SCUBE1: variants seen among roughly 807,000 people sequenced by gnomAD.
SCUBE1 encodes signal peptide, CUB domain and EGF like domain containing 1, also known as signal peptide, CUB and EGF-like domain-containing protein 1.
Under a neutral mutation model 124.4 loss-of-function variants are expected in SCUBE1, and 59 were observed. The ratio of observed to expected loss-of-function variants is 0.47; its 90% CI spans 0.38 to 0.59. The LOEUF (loss-of-function observed/expected upper bound fraction) is 0.59, where lower values mean the gene tolerates loss of function less well. Among genes scored for constraint, SCUBE1 ranks in the 20% least tolerant of loss-of-function variants. The pLI is 0.00. For missense variants in SCUBE1, 1,150 were observed against 1,371.2 expected, an observed-to-expected ratio of 0.84 and a Z score of 2.55; for synonymous variants, 545 against 550.9, an observed-to-expected ratio of 0.99 and a Z score of 0.15.
chr22:43,295,193 T>C (rs570575700), intron 3 of SCUBE1, among the ~76,000 whole-genome samples: 18 of 152,220 alleles, frequency 1.2e-4, no homozygotes, highest in African/African-American at 4.3e-4. Flanking sequence ...CCCTGGCCCC[T>C]CCATGCCCAC....
chr22:43,319,902 G>A (rs755546452), intron 3 of SCUBE1, 35 bp downstream of exon 3: 99 of 1,609,344 alleles, frequency 6.2e-5, no homozygotes, highest in Non-Finnish European at 7.6e-5. Context: ...CAGGCAGGGT[G>A]TGCCCAGAGG....
At chr22:43,248,307 G>A (rs1923299719) in intron 6 of SCUBE1, among the ~76,000 whole-genome samples, 1 of 152,212 alleles carries the variant, frequency 6.6e-6, no homozygotes, top group Non-Finnish European at 1.5e-5. Context: ...CAACGCACAA[G>A]GTGGCCTGGG....
chr22:43,247,691 G>C (rs923003670), intron 6 of SCUBE1, among the ~76,000 whole-genome samples: 7 of 152,248 alleles, frequency 4.6e-5, no homozygotes, highest in African/African-American at 1.4e-4. Flanking sequence ...GGGTGGCTTG[G>C]ATGGGGAGGG....
In SCUBE1 at chr22:43,218,337, G is replaced by C; in HGVS notation, c.1809C>G (p.Tyr603Ter). The change falls in exon 15 of 22, where the codon TAC (tyrosine) becomes TAG (stop). Residue 603 changes from tyrosine to a stop codon, truncating the protein, a stop_gained. Transcript: ENST00000360835. LOFTEE classifies it high-confidence loss of function. Reference sequence around the variant, plus strand: ...CCTTGGCTGGCCTCTGGGCTACCTCGTACTCAGTGCCTGAGACCTGGACAT... The same window carrying C: ...CCTTGGCTGGCCTCTGGGCTACCTCCTACTCAGTGCCTGAGACCTGGACAT... ...QFYVQVSGTEYEVAQRPAKAL... is the reference protein window; with the variant it reads ...QFYVQVSGTE 2 of 1,613,438 alleles carry C rather than the reference G, an allele frequency of 1.2e-6. No homozygotes were observed. Among genetic ancestry groups the C allele is most frequent in the Non-Finnish European group, 1.7e-6 (2 of 1,180,032 alleles).
At chr22:43,216,593 G>A (rs916298469) in intron 15 of SCUBE1, among the ~76,000 whole-genome samples, 7 of 152,064 alleles carry the variant, frequency 4.6e-5, no homozygotes, top group East Asian at 2.0e-4. Flanking sequence ...GCAGAGTTGC[G>A]GTGAGCTGAG....
At chr22:43,214,067 T>A in intron 16 of SCUBE1, 23 bp downstream of exon 16, 14 of 352,502 alleles carry the variant, frequency 4.0e-5, no homozygotes, top group Non-Finnish European at 5.2e-5. Context: ...CACCCCCACC[T>A]CTCCTTCTAG....
rs7364317 is a variant in SCUBE1, at chr22:43,210,598, G to A, written c.2383+324C>T. Among the ~76,000 whole-genome samples the A allele has an allele frequency of 0.076, 11,614 of 152,278 alleles. 816 individuals carry two copies. Among genetic ancestry groups the A allele is most frequent in the African/African-American group, 0.18 (7,369 of 41,550 alleles). ...CTCTAGAGGCCCTGTCAGTGCCCCT[G>A]TAGGCTGTCAGCCCCCCCAGCAGAC... On this transcript the variant is annotated intron_variant, in intron 18 of 21. Transcript: ENST00000360835. This position sits in a 1 kb window ranked among gnomAD's most constrained non-coding sequence, Gnocchi z 4.5.
intron 3 of SCUBE1, among the ~76,000 whole-genome samples, chr22:43,302,917 C>T (rs915247940): frequency 1.3e-5 from 2 of 152,170 alleles, no homozygotes; most frequent in Admixed American, 6.5e-5. Context: ...ATGTGATTAC[C>T]TCCAGGCCGG....
intron 3 of SCUBE1, among the ~76,000 whole-genome samples, chr22:43,301,770 G>A (rs1925780994): frequency 6.6e-6 from 1 of 152,224 alleles, no homozygotes; most frequent in South Asian, 2.1e-4. Context: ...GTATCCCAGG[G>A]TTTTGAACAG....
At chr22:43,219,806 G>A (rs1469126699) in intron 14 of SCUBE1, among the ~76,000 whole-genome samples, 12 of 152,042 alleles carry the variant, frequency 7.9e-5, no homozygotes, top group East Asian at 3.9e-4. Context: ...CCTCCCGTGG[G>A]GGGCAGACCT....
At position 43,212,307 on chromosome 22, in the gene SCUBE1, T is replaced by C. The variant is rs190472216; in HGVS notation, c.2221+118A>G. 6 of 1,166,536 alleles carry C rather than the reference T, an allele frequency of 5.1e-6. No individual in the cohort carries two copies. In the East Asian group the frequency reaches 1.6e-4, roughly 31 times the overall value. 72.3% of individuals were successfully genotyped at this position (1,166,536 alleles called of 1,614,324 possible). A position where few individuals can be genotyped will look rare whatever the true frequency, so the allele number is the denominator to read the frequency against. ...CCCACGCCTGACAGCTCCAGGCTCC[T>C]CCTCTGAGCTGGGAGGTTCGCCACA... On this transcript the variant is annotated intron_variant, in intron 17 of 21. Coordinates refer to ENST00000360835, the MANE Select transcript of SCUBE1 (RefSeq NM_173050.5).
At chr22:43,239,354 G>A (rs1922905430) in intron 6 of SCUBE1, among the ~76,000 whole-genome samples, 1 of 152,280 alleles carries the variant, frequency 6.6e-6, no homozygotes, top group Non-Finnish European at 1.5e-5. Context: ...GTCCAGGCTA[G>A]AGGTTACTTG....
intron 4 of SCUBE1, among the ~76,000 whole-genome samples, chr22:43,272,927 A>G (rs1924348637): frequency 6.6e-6 from 1 of 152,196 alleles, no homozygotes; most frequent in African/African-American, 2.4e-5. Context: ...CTGGTCACGC[A>G]GCTGTCAGTG....
At chr22:43,226,463 C>T (rs1922310225) in intron 10 of SCUBE1, among the ~76,000 whole-genome samples, 1 of 151,992 alleles carries the variant, frequency 6.6e-6, no homozygotes. Flanking sequence ...CGCACAGCCT[C>T]GGGCTGAGGG....
At chr22:43,239,452 C>T (rs998476165) in intron 6 of SCUBE1, among the ~76,000 whole-genome samples, 2 of 152,280 alleles carry the variant, frequency 1.3e-5, no homozygotes, top group Non-Finnish European at 2.9e-5. Context: ...TGAGGGCTCA[C>T]ACACCATCCA....
chr22:43,290,282 T>A (rs190786704), intron 4 of SCUBE1, among the ~76,000 whole-genome samples: 3 of 151,796 alleles, frequency 2.0e-5, no homozygotes, highest in Admixed American at 1.3e-4. Context: ...TCCAAGCACA[T>A]GTGTCCTGGC....
intron 5 of SCUBE1, among the ~76,000 whole-genome samples, chr22:43,261,456 G>GT (rs1327714496): frequency 6.6e-6 from 1 of 152,196 alleles, no homozygotes; most frequent in Non-Finnish European, 1.5e-5. Context: ...AATCACATCT[G>GT]GTACACGTGG....
intron 4 of SCUBE1, among the ~76,000 whole-genome samples, chr22:43,269,468 G>T (rs752861610): frequency 6.6e-6 from 1 of 152,158 alleles, no homozygotes; most frequent in African/African-American, 2.4e-5. Context: ...TTGCCGCCAC[G>T]GTCGGATAAC....
At chr22:43,298,279 C>T (rs904198513) in intron 3 of SCUBE1, among the ~76,000 whole-genome samples, 1 of 152,228 alleles carries the variant, frequency 6.6e-6, no homozygotes, top group African/African-American at 2.4e-5. Context: ...GGAGGTATGC[C>T]TGGGGTCTCC....
Sources: gnomAD v4.1 joint callset for allele counts (sites outside exome capture counted in the v4.1 genomes callset) on GRCh38, gnomAD v4.1.1 for gene constraint, Gnocchi (gnomAD v3.1) non-coding constraint, MANE v1.5 for transcripts, NCBI Gene and HGNC (gene_info 2026-07-23, HGNC 2026-07-21) for gene names.